The following IGF1 variants were observed in gnomAD, a reference collection of about 807,000 sequenced individuals.
The protein encoded by IGF1 is insulin-like growth factor 1.
IGF1 carries 4 observed loss-of-function variants against 13.8 expected under a neutral mutation model. The ratio of observed to expected loss-of-function variants is 0.29; its 90% CI spans 0.14 to 0.66. The LOEUF is 0.66. IGF1 is among the 30% of genes least tolerant of loss of function. IGF1 has a pLI of 0.78. For missense variants in IGF1, 124 were observed against 188.5 expected (o/e 0.66, Z 2.00); for synonymous variants, 76 against 72.6 (o/e 1.05, Z -0.23).
chr12:102,441,958 T>TTCTTCTTCTTCTTCTTCTTCTTCTTCTTC (rs1180940405), intron 2 of IGF1, among the ~76,000 whole-genome samples: 12 of 41,182 alleles, frequency 2.9e-4, no homozygotes, highest in South Asian at 2.4e-3. Flanking sequence ...TCTTCTTCTT[T>TTCTTCTTCTTCTTCTTCTTCTTCTTCTTC]TTTTTTTTTG....
intron 2 of IGF1, among the ~76,000 whole-genome samples, chr12:102,427,642 G>A (rs546707129): frequency 6.6e-6 from 1 of 152,254 alleles, no homozygotes; most frequent in East Asian, 1.9e-4. Flanking sequence ...GGTGGCGGCT[G>A]CCAGGGCAGT....
rs1192558913 is a variant in IGF1, at chr12:102,467,903, C to T, written c.220+7740G>A. ...TCACTTCTCTCTGGATTTCAGTCAG[C>T]ATTTGGCTAATTCTTATTATTATCA... is the stretch of plus-strand genomic sequence containing the variant. On this transcript the variant is annotated intron_variant, in intron 2 of 3. Coordinates refer to ENST00000337514, the MANE Select transcript of IGF1 (RefSeq NM_000618.5). Among the ~76,000 whole-genome samples, 4 of 152,302 alleles carry T rather than the reference C, an allele frequency of 2.6e-5. No homozygotes were observed. The East Asian group carries it at 7.7e-4, about 29-fold the overall frequency.
intron 2 of IGF1, among the ~76,000 whole-genome samples, chr12:102,473,736 A>G (rs1196119813): frequency 6.6e-6 from 1 of 152,266 alleles, no homozygotes; most frequent in Non-Finnish European, 1.5e-5. Context: ...TGATTGTTGC[A>G]GTAACAGAAT....
At position 102,442,226 on chromosome 12, in the gene IGF1, G is replaced by A. The variant is rs543488705; in HGVS notation, c.221-22536C>T. ...GGCCTCTCAAATTGCTGGAATTTCA[G>A]GAGTGAGCCACTGCATCTGGCAACA... On this transcript the variant is annotated intron_variant, in intron 2 of 3. Coordinates refer to ENST00000337514, the MANE Select transcript of IGF1 (RefSeq NM_000618.5). Among the ~76,000 whole-genome samples, 200 of 152,042 alleles carry A rather than the reference G, an allele frequency of 1.3e-3. 2 individuals are homozygous for A. Among genetic ancestry groups the A allele is most frequent in the Non-Finnish European group, 2.4e-3 (165 of 67,976 alleles).
At chr12:102,403,623 ATTTTTTTTTTTT>A (rs142169670) in intron 3 of IGF1, among the ~76,000 whole-genome samples, 3 of 80,584 alleles carry the variant, frequency 3.7e-5, no homozygotes, top group African/African-American at 5.0e-5. Flanking sequence ...TGCCTTGACA[ATTTTTTTTTTTT>A]TTTTTTTTTT....
At chr12:102,461,795 A>T (rs990157235) in intron 2 of IGF1, among the ~76,000 whole-genome samples, 1 of 152,190 alleles carries the variant, frequency 6.6e-6, no homozygotes, top group African/African-American at 2.4e-5. Context: ...AACTTGAGGG[A>T]ATCTGGACCA....
In IGF1 at chr12:102,478,633, G is replaced by C. The variant is rs183367014; in HGVS notation, c.63+1686C>G. The C allele has an allele frequency of 4.7e-5, 70 of 1,475,962 alleles. No homozygotes were observed. In the African/African-American group the frequency reaches 6.2e-4, roughly 13 times the overall value. 91.4% of individuals were successfully genotyped at this position (1,475,962 alleles called of 1,614,324 possible). The stretch of plus-strand genomic sequence containing the variant: ...TTGTGAAAGCATCTAGTTACATTTG[G>C]ACACCCAGGCAGGTATGCTATTATG... On this transcript the variant is annotated intron_variant, in intron 1 of 3. Coordinates refer to ENST00000337514, the MANE Select transcript of IGF1 (RefSeq NM_000618.5).
At chr12:102,441,906 G>GCTGCTGCTGCTTCTGCTTCTT in intron 2 of IGF1, among the ~76,000 whole-genome samples, 1 of 100,292 alleles carries the variant, frequency 1.0e-5, no homozygotes, top group Non-Finnish European at 2.1e-5. Context: ...CTATTACACT[G>GCTGCTGCTGCTTCTGCTTCTT]CTTCTTCTCC....
chr12:102,422,148 G>T (rs760001424), intron 2 of IGF1, among the ~76,000 whole-genome samples: 2 of 152,158 alleles, frequency 1.3e-5, no homozygotes, highest in African/African-American at 4.8e-5. Context: ...TTAGTCTGTA[G>T]ATCGATGGGT....
At position 102,421,987 on chromosome 12, in the gene IGF1, TC is replaced by T. The variant is rs575642713; in HGVS notation, c.221-2298del. Among the ~76,000 whole-genome samples the T allele has an allele frequency of 2.7e-3, 409 of 152,248 alleles. 2 individuals carry two copies. The highest frequency in any genetic ancestry group is 9.2e-3 in the African/African-American group (380 of 41,528). On this transcript the variant is annotated intron_variant, in intron 2 of 3. Transcript: ENST00000337514. ...CCATGAAACTCACCACATGTCGATT[TC>T]CTCTTGTAAAATAGAAAGTCATCAT...
At chr12:102,410,133 T>C (rs557232501) in intron 3 of IGF1, among the ~76,000 whole-genome samples, 1 of 152,298 alleles carries the variant, frequency 6.6e-6, no homozygotes, top group Non-Finnish European at 1.5e-5. Context: ...CACCTGACTC[T>C]ATTTCAAATA....
At chr12:102,417,866 C>A (rs539098033) in intron 3 of IGF1, 2 of 1,613,900 alleles carry the variant, frequency 1.2e-6, no homozygotes, top group Middle Eastern at 3.3e-4. Flanking sequence ...TTCCAATCTC[C>A]CTCCTCTGCT....
chr12:102,481,302 G>A (rs1031570863), upstream of IGF1, among the ~76,000 whole-genome samples: 3 of 151,948 alleles, frequency 2.0e-5, no homozygotes, highest in Non-Finnish European at 2.9e-5. Context: ...GTACCTGGGG[G>A]GCAAACAATT....
chr12:102,468,421 G>T (rs1880469801), intron 2 of IGF1, among the ~76,000 whole-genome samples: 1 of 152,218 alleles, frequency 6.6e-6, no homozygotes, highest in African/African-American at 2.4e-5. Context: ...CAGTGAAAAA[G>T]TAAGAGGGGC....
intron 2 of IGF1, among the ~76,000 whole-genome samples, chr12:102,432,632 T>C (rs577983577): frequency 7.2e-5 from 11 of 152,316 alleles, no homozygotes; most frequent in Admixed American, 2.0e-4. Flanking sequence ...CTGTTTTCAA[T>C]TACTAGTGCA....
intron 2 of IGF1, among the ~76,000 whole-genome samples, chr12:102,436,922 G>A (rs1398779690): frequency 6.6e-6 from 1 of 152,194 alleles, no homozygotes; most frequent in Non-Finnish European, 1.5e-5. Context: ...GTGCCCAAAG[G>A]CAGGAAATCC....
chr12:102,396,440 G>A lies in IGF1; in HGVS notation c.*6067C>T, dbSNP rs1466530384. 1 of 154,890 alleles carries A rather than the reference G, an allele frequency of 6.5e-6. No homozygotes were observed. The highest frequency in any genetic ancestry group is 1.4e-5 in the Non-Finnish European group (1 of 69,856). 9.6% of individuals were successfully genotyped at this position (154,890 alleles called of 1,614,324 possible). A position where few individuals can be genotyped will look rare whatever the true frequency, so the allele number is the denominator to read the frequency against. On this transcript the variant is annotated 3_prime_UTR_variant, in exon 4 of 4. Coordinates refer to ENST00000337514, the MANE Select transcript of IGF1 (RefSeq NM_000618.5). ...TTGAGGTTTCAGAGTCCCTCCTGCA[G>A]TGTGTTTAGCAGCGGGTACAAGATA...
At chr12:102,455,313 T>C (rs1390817955) in intron 2 of IGF1, among the ~76,000 whole-genome samples, 1 of 152,232 alleles carries the variant, frequency 6.6e-6, no homozygotes. Context: ...AGCCTTCTGA[T>C]GAGAGCTGGG....
intron 2 of IGF1, among the ~76,000 whole-genome samples, chr12:102,453,705 G>A (rs780078192): frequency 6.6e-6 from 1 of 152,210 alleles, no homozygotes; most frequent in Admixed American, 6.5e-5. Context: ...GGCTAGGGAT[G>A]TGGGGATGGA....
Sources: allele counts gnomAD v4.1 joint callset (sites outside exome capture counted in the v4.1 genomes callset), GRCh38; gene constraint gnomAD v4.1.1; transcripts MANE v1.5; gene names NCBI Gene and HGNC (gene_info 2026-07-23, HGNC 2026-07-21).